The following SLC9A8 variants were observed in gnomAD, a reference collection of about 807,000 sequenced individuals.
The protein encoded by SLC9A8 is sodium/hydrogen exchanger 8.
In SLC9A8, 48 loss-of-function variants were observed where a neutral mutation model predicts 66.6. The observed-to-expected ratio is 0.72, with a 90% confidence interval of 0.57 to 0.92. The LOEUF (loss-of-function observed/expected upper bound fraction) is 0.92, where lower values mean the gene tolerates loss of function less well. Ranked by LOEUF, SLC9A8 falls within the 40% of genes least tolerant of loss-of-function variation. The probability of loss-of-function intolerance (pLI) is 0.00; values close to 1 mark genes in which losing one functional copy is unlikely to be tolerated. For missense variants in SLC9A8, 599 were observed against 747.3 expected, an observed-to-expected ratio of 0.80 and a Z score of 2.31; for synonymous variants, 274 against 282.6, an observed-to-expected ratio of 0.97 and a Z score of 0.31.
At chr20:49,830,177 C>T (rs1024111715) in intron 3 of SLC9A8, 1 of 772,256 alleles carries the variant, frequency 1.3e-6, no homozygotes, top group African/African-American at 1.7e-5. Context: ...CTGGTTCCAC[C>T]TCCATCCGGG....
intron 8 of SLC9A8, among the ~76,000 whole-genome samples, chr20:49,856,593 G>A (rs1013603209): frequency 7.2e-5 from 11 of 152,172 alleles, no homozygotes; most frequent in African/African-American, 2.4e-4. Flanking sequence ...AGGCCAAGGC[G>A]GGTGGATCAC....
At chr20:49,857,374 G>T (rs141187260) in intron 8 of SLC9A8, among the ~76,000 whole-genome samples, 1 of 152,120 alleles carries the variant, frequency 6.6e-6, no homozygotes. Flanking sequence ...TCTTATGTTG[G>T]AATAAAATGC....
chr20:49,830,926 G>C, intron 3 of SLC9A8: 1 of 855,710 alleles, frequency 1.2e-6, no homozygotes, highest in Non-Finnish European at 2.0e-6. Context: ...GATTTCTACT[G>C]AAATACATGC....
chr20:49,884,227 C>CACACACACGCG (rs1555848220), intron 14 of SLC9A8, 161 bp downstream of exon 14: 51 of 216,300 alleles, frequency 2.4e-4, no homozygotes, highest in South Asian at 1.2e-3. Flanking sequence ...CACACACACA[C>CACACACACGCG]ACACACACAC....
intron 8 of SLC9A8, among the ~76,000 whole-genome samples, chr20:49,857,595 G>A (rs1316803887): frequency 6.6e-6 from 1 of 152,218 alleles, no homozygotes; most frequent in Non-Finnish European, 1.5e-5. Context: ...GCGCACGCCT[G>A]TAATCCCAGC....
At chr20:49,848,633 T>A (rs537241222) in intron 5 of SLC9A8, among the ~76,000 whole-genome samples, 53 of 152,370 alleles carry the variant, frequency 3.5e-4, no homozygotes, top group African/African-American at 1.3e-3. Flanking sequence ...TATGGAAATT[T>A]GAAAGATGCT....
At chr20:49,862,875 A>G (rs2088805386) in intron 8 of SLC9A8, 54 bp from the exon 9 acceptor site, 2 of 1,386,902 alleles carry the variant, frequency 1.4e-6, no homozygotes, top group Non-Finnish European at 2.0e-6. Flanking sequence ...TTAATTTCTA[A>G]GAACTTTGTG....
intron 13 of SLC9A8, among the ~76,000 whole-genome samples, chr20:49,882,251 T>TC (rs1471423316): frequency 6.6e-6 from 1 of 152,192 alleles, no homozygotes; most frequent in African/African-American, 2.4e-5. Flanking sequence ...CTCCACTTCT[T>TC]CACCGCCTGT....
chr20:49,838,636 C>T (rs2087638895), intron 3 of SLC9A8, among the ~76,000 whole-genome samples: 1 of 152,124 alleles, frequency 6.6e-6, no homozygotes, highest in South Asian at 2.1e-4. Flanking sequence ...TTGTCTCCTG[C>T]CCACCCAGTA....
intron 10 of SLC9A8, among the ~76,000 whole-genome samples, chr20:49,869,727 G>T (rs2089133631): frequency 6.6e-6 from 1 of 151,994 alleles, no homozygotes; most frequent in Non-Finnish European, 1.5e-5. Flanking sequence ...CAGCTACTCG[G>T]CAGGCTGAGG....
In SLC9A8 at chr20:49,889,887, T is replaced by G. The variant is rs1456102097; in HGVS notation, c.*1951T>G. On this transcript the variant is annotated 3_prime_UTR_variant, in exon 16 of 16. Coordinates refer to ENST00000361573, the MANE Select transcript of SLC9A8 (RefSeq NM_015266.3). ...TTTGCAAACTCAGTTTGCCAGGATTTCTTTCTTTCCTAATCTTAAATTCAC... is the reference window on the plus strand; with the variant it reads ...TTTGCAAACTCAGTTTGCCAGGATTGCTTTCTTTCCTAATCTTAAATTCAC... The G allele has an allele frequency of 6.6e-6, 1 of 152,224 alleles. No homozygotes were observed. The highest frequency in any genetic ancestry group is 6.5e-5 in the Admixed American group (1 of 15,292). The allele number at this position is 152,224 out of a possible 1,614,324, so 9.4% of individuals were successfully genotyped here.
At chr20:49,851,713 C>T (rs890902202) in intron 7 of SLC9A8, among the ~76,000 whole-genome samples, 1 of 152,172 alleles carries the variant, frequency 6.6e-6, no homozygotes, top group African/African-American at 2.4e-5. Flanking sequence ...CACTCACCAC[C>T]CACCCCAGCC....
At chr20:49,868,886 C>T (rs1300966556) in intron 10 of SLC9A8, among the ~76,000 whole-genome samples, 5 of 152,188 alleles carry the variant, frequency 3.3e-5, no homozygotes, top group Non-Finnish European at 5.9e-5. Flanking sequence ...ATAATATCCC[C>T]GTTTATTCTA....
chr20:49,836,410 T>C (rs2087536467), intron 3 of SLC9A8, among the ~76,000 whole-genome samples: 2 of 152,192 alleles, frequency 1.3e-5, no homozygotes, highest in African/African-American at 4.8e-5. Context: ...CTCGGCCTAC[T>C]GCAACCGCCG....
At chr20:49,815,470 C>G (rs1001484626) in intron 2 of SLC9A8, 2 of 260,946 alleles carry the variant, frequency 7.7e-6, no homozygotes, top group African/African-American at 4.4e-5. Flanking sequence ...ATCTTGAGGC[C>G]TGGCGCGGTG....
intron 2 of SLC9A8, 151 bp downstream of exon 2, chr20:49,815,340 C>A: frequency 2.0e-6 from 1 of 490,666 alleles, no homozygotes; most frequent in African/African-American, 2.0e-5. Context: ...CAGTTTATAA[C>A]ATCATTAACA....
chr20:49,883,028 C>G (rs1237402339), intron 13 of SLC9A8, among the ~76,000 whole-genome samples: 4 of 143,116 alleles, frequency 2.8e-5, no homozygotes, highest in Non-Finnish European at 4.6e-5. Context: ...CCCCTCCCCC[C>G]ACCATCTCTT....
rs1343677257 is a variant in SLC9A8, at chr20:49,812,909, G to GT, written c.-14_-13insT. On this transcript the variant is annotated 5_prime_UTR_variant, in exon 1 of 16. Coordinates refer to ENST00000361573, the MANE Select transcript of SLC9A8 (RefSeq NM_015266.3). ...CCGCGGCTCCGAACTCGGTGGTCCT[G>GT]GAAGCTCCGCAGGATGGGGGAGAAG... The GT allele has an allele frequency of 4.7e-6, 7 of 1,492,138 alleles. No individual in the cohort carries two copies. In the East Asian group the frequency reaches 1.7e-4, roughly 37 times the overall value. 92.4% of individuals were successfully genotyped at this position (1,492,138 alleles called of 1,614,324 possible). A position where few individuals can be genotyped will look rare whatever the true frequency, so the allele number is the denominator to read the frequency against.
intron 3 of SLC9A8, chr20:49,830,097 TA>T: frequency 1.3e-6 from 1 of 745,832 alleles, no homozygotes; most frequent in Non-Finnish European, 2.5e-6. Context: ...CATTTCCTGC[TA>T]AGCCAAACAA....
Sources: gnomAD v4.1 joint callset for allele counts (sites outside exome capture counted in the v4.1 genomes callset) on GRCh38, gnomAD v4.1.1 for gene constraint, MANE v1.5 for transcripts, NCBI Gene and HGNC (gene_info 2026-07-23, HGNC 2026-07-21) for gene names.